The following CRISPLD2 variants were observed in gnomAD, a reference collection of about 807,000 sequenced individuals.
CRISPLD2 encodes the protein cysteine rich secretory protein LCCL domain containing 2.
Under a neutral mutation model 71.1 loss-of-function variants are expected in CRISPLD2, and 47 were observed. The ratio of observed to expected loss-of-function variants is 0.66; its 90% confidence interval spans 0.52 to 0.84. CRISPLD2 has a LOEUF of 0.84. Ranked by LOEUF, CRISPLD2 falls within the 40% of genes least tolerant of loss-of-function variation. The pLI is 0.00. For missense variants in CRISPLD2, 830 were observed against 651.1 expected (o/e 1.27, Z -2.99); for synonymous variants, 317 against 250.1 (o/e 1.27, Z -2.52).
In CRISPLD2 at chr16:84,905,371, G is replaced by A. The variant is rs539281102; in HGVS notation, c.1440-1217G>A. Among the ~76,000 whole-genome samples the A allele has an allele frequency of 1.4e-4, 21 of 152,162 alleles. No homozygotes were observed. The East Asian group carries it at 1.7e-3, about 13-fold the overall frequency. ...ACACTTAGAAAGGTTGAGTTTATAC[G>A]GTATGTTAAACTTAATAAAGTTGGT... On this transcript the variant is annotated intron_variant, in intron 14 of 14. Coordinates refer to ENST00000262424, the MANE Select transcript of CRISPLD2 (RefSeq NM_031476.4).
At chr16:84,872,866 C>G in intron 9 of CRISPLD2, 126 bp from the exon 10 acceptor site, 1 of 1,200,496 alleles carries the variant, frequency 8.3e-7, no homozygotes, top group Non-Finnish European at 1.2e-6. Flanking sequence ...GAGGCAGGAG[C>G]AGAGTGAGCT....
At chr16:84,842,436 G>A (rs1916799724) in intron 2 of CRISPLD2, among the ~76,000 whole-genome samples, 1 of 147,636 alleles carries the variant, frequency 6.8e-6, no homozygotes, top group Non-Finnish European at 1.5e-5. Flanking sequence ...GTGCAGTGGT[G>A]CTATCTCGGC....
At chr16:84,899,355 G>A (rs1296267164) in intron 14 of CRISPLD2, among the ~76,000 whole-genome samples, 2 of 146,192 alleles carry the variant, frequency 1.4e-5, no homozygotes, top group African/African-American at 4.9e-5. Flanking sequence ...AATCCAAAAA[G>A]AGAATCAGAG....
At chr16:84,879,388 G>C (rs1301030947) in intron 12 of CRISPLD2, among the ~76,000 whole-genome samples, 6 of 144,860 alleles carry the variant, frequency 4.1e-5, no homozygotes. Flanking sequence ...TTGAGACTGA[G>C]CTTCGCTCTT....
At chr16:84,835,265 T>A (rs1329906423) in intron 1 of CRISPLD2, among the ~76,000 whole-genome samples, 1 of 152,130 alleles carries the variant, frequency 6.6e-6, no homozygotes, top group African/African-American at 2.4e-5. Context: ...TGATTTTGTA[T>A]TTTTAGTAGA....
chr16:84,891,284 G>A (rs1051694815), intron 14 of CRISPLD2, among the ~76,000 whole-genome samples: 11 of 152,214 alleles, frequency 7.2e-5, no homozygotes, highest in Admixed American at 1.3e-4. Flanking sequence ...CCTGCCTCCT[G>A]GGACACGGCC....
At chr16:84,892,222 C>A (rs762038624) in intron 14 of CRISPLD2, among the ~76,000 whole-genome samples, 1 of 152,202 alleles carries the variant, frequency 6.6e-6, no homozygotes, top group East Asian at 1.9e-4. Flanking sequence ...AAAGCACATC[C>A]TCCGGCCCCA....
intron 2 of CRISPLD2, chr16:84,839,634 A>AC (rs1052979935): frequency 6.6e-6 from 1 of 152,080 alleles, no homozygotes; most frequent in Non-Finnish European, 1.5e-5. Context: ...CTGCTACTTG[A>AC]CCCCAAGCTC....
intron 14 of CRISPLD2, among the ~76,000 whole-genome samples, chr16:84,894,967 A>T (rs1348820147): frequency 6.6e-6 from 1 of 152,032 alleles, no homozygotes; most frequent in Non-Finnish European, 1.5e-5. Flanking sequence ...TCCAGATCTA[A>T]GGAGCCCTGC....
At chr16:84,906,174 G>A (rs947479239) in intron 14 of CRISPLD2, among the ~76,000 whole-genome samples, 3 of 152,084 alleles carry the variant, frequency 2.0e-5, no homozygotes, top group African/African-American at 4.8e-5. Context: ...GGAGGAAGGT[G>A]GAAGGCGGTG....
At chr16:84,900,805 A>G (rs761594874) in intron 14 of CRISPLD2, among the ~76,000 whole-genome samples, 6 of 152,128 alleles carry the variant, frequency 3.9e-5, no homozygotes, top group Non-Finnish European at 8.8e-5. Flanking sequence ...TAATCCGGGC[A>G]CTTTGGGAGG....
intron 1 of CRISPLD2, among the ~76,000 whole-genome samples, chr16:84,831,605 C>G (rs894069281): frequency 8.6e-5 from 13 of 151,530 alleles, no homozygotes; most frequent in African/African-American, 2.4e-4. Context: ...AGGAGCTCAC[C>G]ATGTTTCCCA....
chr16:84,849,448 C>T lies in CRISPLD2; in HGVS notation c.423C>T (p.Pro141=). The change falls in exon 4 of 15, where the codon CCC becomes CCT. Residue 141 remains proline, a synonymous_variant. Transcript: ENST00000262424. Reference sequence around the variant, plus strand: ...ACGAGGTGAAGGACTACACCTACCCCTACCCGAGCGAGTGCAACCCCTGGT... The same window carrying T: ...ACGAGGTGAAGGACTACACCTACCCTTACCCGAGCGAGTGCAACCCCTGGT... ...WYDEVKDYTY[P]YPSECNPWCP... 1.2e-6 allele frequency: 2 copies of T among 1,614,144 alleles called. No homozygotes were observed. The highest frequency in any genetic ancestry group is 1.7e-6 in the Non-Finnish European group (2 of 1,179,978).
At chr16:84,849,914 A>G (rs1458368402) in intron 4 of CRISPLD2, among the ~76,000 whole-genome samples, 6 of 130,456 alleles carry the variant, frequency 4.6e-5, no homozygotes, top group Non-Finnish European at 9.7e-5. Context: ...TTTTTTAGAG[A>G]TGGGTCTGGC....
At chr16:84,846,221 C>G (rs545408151) in intron 3 of CRISPLD2, 40 of 215,550 alleles carry the variant, frequency 1.9e-4, no homozygotes, top group African/African-American at 8.5e-4. Context: ...CTCCCTCCTT[C>G]CCTTCCCTCC....
chr16:84,838,360 G>A, intron 1 of CRISPLD2, 62 bp from the exon 2 acceptor site: 1 of 1,064,106 alleles, frequency 9.4e-7, no homozygotes, highest in Admixed American at 2.2e-5. Flanking sequence ...CGCTGCTCCA[G>A]CCAGCGCTGT....
intron 14 of CRISPLD2, among the ~76,000 whole-genome samples, chr16:84,898,770 T>C (rs1482427239): frequency 6.6e-6 from 1 of 152,212 alleles, no homozygotes; most frequent in African/African-American, 2.4e-5. Context: ...TAAACACTGG[T>C]TGAATGAGAC....
chr16:84,874,011 G>T (rs79287004), intron 11 of CRISPLD2, 48 bp downstream of exon 11: 38,491 of 1,507,680 alleles, frequency 0.026, 556 homozygotes, highest in Non-Finnish European at 0.029. Flanking sequence ...GGTTATCTCA[G>T]ATTTTCCTGG....
At chr16:84,877,328 G>C (rs992261881) in intron 11 of CRISPLD2, 110 bp from the exon 12 acceptor site, 1 of 930,942 alleles carries the variant, frequency 1.1e-6, no homozygotes, top group African/African-American at 1.6e-5. Context: ...CTATTCAAGG[G>C]CCCAGGGAAC....
Sources: gnomAD v4.1 joint callset for allele counts (sites outside exome capture counted in the v4.1 genomes callset) on GRCh38, gnomAD v4.1.1 for gene constraint, MANE v1.5 for transcripts, NCBI Gene and HGNC (gene_info 2026-07-23, HGNC 2026-07-21) for gene names.